The following CENPE variants were observed in gnomAD, a reference collection of about 807,000 sequenced individuals.
The protein encoded by CENPE is centromere protein E, also known as centromere-associated protein E.
CENPE carries 145 observed loss-of-function variants against 336.1 expected under a neutral mutation model. That is an observed-to-expected ratio of 0.43 (90% CI 0.38 to 0.50). CENPE has a LOEUF of 0.50. Among genes scored for constraint, CENPE ranks in the 20% least tolerant of loss-of-function variants. The pLI is 0.00. For synonymous variants in CENPE, 1,013 were observed against 984.8 expected (o/e 1.03, Z -0.54); for missense variants, 2,719 against 3,023.3 (o/e 0.90, Z 2.36).
chr4:103,113,412 CTATA>C (rs995244682), intron 46 of CENPE, among the ~76,000 whole-genome samples: 1 of 140,328 alleles, frequency 7.1e-6, no homozygotes, highest in Admixed American at 7.4e-5. Flanking sequence ...TAAGTATTTA[CTATA>C]TATACTTATA....
intron 9 of CENPE, among the ~76,000 whole-genome samples, chr4:103,184,592 T>C (rs1428965208): frequency 1.3e-5 from 2 of 152,216 alleles, no homozygotes; most frequent in Admixed American, 6.5e-5. Flanking sequence ...GAATAATCTA[T>C]CTTTTCTTTA....
At chr4:103,124,147 T>C (rs1381768279) in intron 42 of CENPE, among the ~76,000 whole-genome samples, 1 of 152,166 alleles carries the variant, frequency 6.6e-6, no homozygotes, top group Non-Finnish European at 1.5e-5. Context: ...TTTGGTACCA[T>C]CCATGGCATC....
intron 24 of CENPE, 37 bp downstream of exon 24, chr4:103,158,263 C>G: frequency 6.6e-7 from 1 of 1,508,374 alleles, no homozygotes; most frequent in Non-Finnish European, 9.0e-7. Context: ...AGTATATATA[C>G]AAGCATATGA....
At chr4:103,140,703 C>T in intron 36 of CENPE, 111 bp downstream of exon 36, 5 of 840,518 alleles carry the variant, frequency 5.9e-6, no homozygotes, top group East Asian at 2.5e-5. Flanking sequence ...TATTGGTGGA[C>T]ACTTAGATTA....
In CENPE at chr4:103,144,379, T is replaced by A. The variant is rs373862671; in HGVS notation, c.5097A>T (p.Lys1699Asn). The A allele has an allele frequency of 3.8e-5, 62 of 1,613,364 alleles. No individual in the cohort carries two copies. In the African/African-American group the frequency reaches 7.2e-4, roughly 19 times the overall value. Residue 1699 changes from lysine to asparagine, a missense_variant, in exon 33 of 49, where the codon AAA becomes AAT. Physicochemically the swap from Lys to Asn is moderately conservative, Grantham distance 94 (BLOSUM62 0). Coordinates refer to ENST00000265148, the MANE Select transcript of CENPE (RefSeq NM_001813.3). ...TTTCCTTGAGCTGGTCTCTCTCTACTTTGAGAGTCTCCTCCACACTCCTAA... is the reference window on the plus strand; with the variant it reads ...TTTCCTTGAGCTGGTCTCTCTCTACATTGAGAGTCTCCTCCACACTCCTAA... ...DDLRSVEETL[K>N]VERDQLKENL... is the part of the protein sequence containing the mutation.
chr4:103,130,777 T>C (rs1332037644), intron 42 of CENPE, among the ~76,000 whole-genome samples: 2 of 152,042 alleles, frequency 1.3e-5, no homozygotes, highest in African/African-American at 4.8e-5. Flanking sequence ...AGTTTCCAGA[T>C]TTGCTATAAA....
chr4:103,151,363 C>T lies in CENPE; in HGVS notation c.3252G>A (p.Gln1084=), dbSNP rs267599969. Residue 1084 remains glutamine, a synonymous_variant, in exon 26 of 49, where the codon CAG becomes CAA. Coordinates refer to ENST00000265148, the MANE Select transcript of CENPE (RefSeq NM_001813.3). ...CATCCCCAAGAAGTCTTAATTCTTC[C>T]TGGTTTTCAATGGTCTAGAAAGAAA... ...KENIEMTIEN[Q]EELRLLGDEL... is the part of the protein sequence containing the mutation. The T allele has an allele frequency of 3.8e-6, 6 of 1,577,990 alleles. No individual in the cohort carries two copies. The highest frequency in any genetic ancestry group is 5.1e-6 in the Non-Finnish European group (6 of 1,171,218).
chr4:103,145,787 T>C (rs370899195), intron 30 of CENPE, 42 bp downstream of exon 30: 1 of 1,547,002 alleles, frequency 6.5e-7, no homozygotes, highest in African/African-American at 1.4e-5. Context: ...AATATTTGGT[T>C]ACAAAATATT....
chr4:103,112,025 TAA>T (rs994241496), intron 46 of CENPE, among the ~76,000 whole-genome samples: 32 of 151,900 alleles, frequency 2.1e-4, no homozygotes, highest in African/African-American at 7.5e-4. Flanking sequence ...TACACTTTTT[TAA>T]AAAAGACACT....
At chr4:103,172,971 C>T (rs1277990266) in intron 16 of CENPE, among the ~76,000 whole-genome samples, 2 of 151,922 alleles carry the variant, frequency 1.3e-5, no homozygotes, top group African/African-American at 4.8e-5. Context: ...TCTATCAAAA[C>T]ACCAAAGACA....
intron 24 of CENPE, among the ~76,000 whole-genome samples, chr4:103,157,230 C>A (rs1754040455): frequency 6.6e-6 from 1 of 152,016 alleles, no homozygotes; most frequent in Non-Finnish European, 1.5e-5. Context: ...AGCAATTCCA[C>A]TTCTGGATAT....
chr4:103,113,699 G>A (rs1749813066), intron 46 of CENPE, among the ~76,000 whole-genome samples: 1 of 145,764 alleles, frequency 6.9e-6, no homozygotes, highest in Non-Finnish European at 1.5e-5. Flanking sequence ...TGTATAATAA[G>A]TGTATATATA....
Position 103,144,374 on chromosome 4 carries a change from T to G in CENPE, c.5102A>C (p.Glu1701Ala). ...LRSVEETLKV[E>A]RDQLKENLRE... ...AAGGTTTTCCTTGAGCTGGTCTCTC[T>G]CTACTTTGAGAGTCTCCTCCACACT... The change falls in exon 33 of 49, where the codon GAG (glutamate) becomes GCG (alanine). Residue 1701 changes from glutamate (E) to alanine (A), a missense_variant. This residue lies in a region of CENPE where 2,437 missense variants were observed against 2,513.3 expected (regional missense o/e 0.97). Coordinates refer to ENST00000265148, the MANE Select transcript of CENPE (RefSeq NM_001813.3). The G allele has an allele frequency of 6.2e-7, 1 of 1,613,014 alleles. No homozygotes were observed. Among genetic ancestry groups the G allele is most frequent in the Non-Finnish European group, 8.5e-7 (1 of 1,179,738 alleles).
At chr4:103,195,317 G>A (rs1757655557) in intron 4 of CENPE, 84 bp from the exon 5 acceptor site, 2 of 1,204,156 alleles carry the variant, frequency 1.7e-6, no homozygotes, top group East Asian at 2.6e-5. Context: ...GCTTAAAGAG[G>A]TAAAATGTAT....
rs771643541 is a variant in CENPE at position 103,147,493 on chromosome 4, A to G, written c.3997T>C (p.Leu1333=). The change falls in exon 29 of 49, where the codon TTG becomes CTG. Residue 1333 remains leucine, a synonymous_variant. Transcript: ENST00000265148. Reference sequence around the variant, plus strand: ...TGACTTTCTTGAAATTTTTCATTCAACCTGAGCCTTTCCATTTCTATTCTT... The same window carrying G: ...TGACTTTCTTGAAATTTTTCATTCAGCCTGAGCCTTTCCATTTCTATTCTT... ...LARIEMERLR[L]NEKFQESQEE... 6.8e-6 allele frequency: 11 copies of G among 1,613,768 alleles called. No homozygotes were observed. The highest frequency in any genetic ancestry group is 9.3e-6 in the Non-Finnish European group (11 of 1,179,972).
chr4:103,166,756 T>C (rs2125988442), intron 16 of CENPE, among the ~76,000 whole-genome samples: 1 of 152,302 alleles, frequency 6.6e-6, no homozygotes, highest in East Asian at 1.9e-4. Context: ...TTATTTTTTT[T>C]TGAAGGGGGG....
chr4:103,141,880 A>C lies in CENPE; in HGVS notation c.5333T>G (p.Ile1778Ser), dbSNP rs763295189. The C allele has an allele frequency of 8.7e-6, 14 of 1,602,430 alleles. No individual in the cohort carries two copies. In the South Asian group the frequency reaches 1.6e-4, roughly 18 times the overall value. Residue 1778 changes from isoleucine to serine, a missense_variant, in exon 35 of 49, where the codon ATT (isoleucine) becomes AGT (serine). By Grantham distance (142) the Ile-to-Ser change is moderately radical. This residue lies in a region of CENPE where 2,437 missense variants were observed against 2,513.3 expected (regional missense o/e 0.97). Coordinates refer to ENST00000265148, the MANE Select transcript of CENPE (RefSeq NM_001813.3). ...QDLKIQEELRIAHMHLKEQQE... is the reference protein window; with the variant it reads ...QDLKIQEELRSAHMHLKEQQE... ...CTGCTCTTTCAGATGCATGTGAGCA[A>C]TTCTTAGTTCCTCTTGTATTTTCAG... is the stretch of plus-strand genomic sequence containing the variant.
chr4:103,122,550 C>A (rs1322972258), intron 43 of CENPE, among the ~76,000 whole-genome samples: 25 of 152,134 alleles, frequency 1.6e-4, no homozygotes, highest in Admixed American at 1.6e-3. Flanking sequence ...GGACATAGAT[C>A]ACAGTTCAAC....
In CENPE at chr4:103,110,931, T is replaced by C. The variant is rs1749358300; in HGVS notation, c.7621A>G (p.Lys2541Glu). 6.2e-7 allele frequency: 1 copy of C among 1,613,064 alleles called. No individual in the cohort carries two copies. Among genetic ancestry groups the C allele is most frequent in the African/African-American group, 1.3e-5 (1 of 74,966 alleles). The change falls in exon 47 of 49, where the codon AAA (lysine) becomes GAA (glutamate). Residue 2541 changes from lysine to glutamate, a missense_variant. Physicochemically the swap from Lys to Glu is moderately conservative, Grantham distance 56 (BLOSUM62 1). Transcript: ENST00000265148. ...TGTTCACTTTTCAAAATAAGAGCTT[T>C]TGTGTTTTGTACAATGCCGCTGCCA... ...GGGSGIVQNTKALILKSEHIR... is the reference protein window; with the variant it reads ...GGGSGIVQNTEALILKSEHIR...
Sources: gnomAD v4.1 joint callset for allele counts (sites outside exome capture counted in the v4.1 genomes callset) on GRCh38, gnomAD v4.1.1 for gene constraint, gnomAD v4.1.1 regional missense constraint, MANE v1.5 for transcripts, NCBI Gene and HGNC (gene_info 2026-07-23, HGNC 2026-07-21) for gene names.